The following RASSF3 variants were observed in gnomAD, a reference collection of about 807,000 sequenced individuals.
RASSF3 encodes ras association domain-containing protein 3.
Under a neutral mutation model 19.9 loss-of-function variants are expected in RASSF3, and 19 were observed. That is an observed-to-expected ratio of 0.96 (90% CI 0.67 to 1.40). RASSF3 has a LOEUF of 1.40. RASSF3 is among the 40% of genes most tolerant of loss of function. The probability of loss-of-function intolerance (pLI) is 0.00; values close to 1 mark genes in which losing one functional copy is unlikely to be tolerated. For synonymous variants in RASSF3, 110 were observed against 104.2 expected (o/e 1.06, Z -0.34); for missense variants, 306 against 289.8 (o/e 1.06, Z -0.41).
chr12:64,602,383 A>C (rs901376434), intron 2 of RASSF3, among the ~76,000 whole-genome samples: 11 of 151,720 alleles, frequency 7.3e-5, no homozygotes, highest in Middle Eastern at 6.8e-3. Context: ...GATCGAGACC[A>C]TCCTGGCCAA....
At chr12:64,597,604 T>G (rs1169503513) in intron 2 of RASSF3, among the ~76,000 whole-genome samples, 3 of 151,812 alleles carry the variant, frequency 2.0e-5, no homozygotes, top group Non-Finnish European at 4.4e-5. Flanking sequence ...TTTACAGTCG[T>G]GCACCACCAC....
chr12:64,525,734 GT>G (rs533134971), intron 1 of RASSF3, among the ~76,000 whole-genome samples: 243 of 145,926 alleles, frequency 1.7e-3, no homozygotes, highest in African/African-American at 6.5e-3. Context: ...CATTTTCAAA[GT>G]CTACTTTTTT....
intron 2 of RASSF3, among the ~76,000 whole-genome samples, chr12:64,587,736 G>T (rs777318649): frequency 4.6e-5 from 7 of 152,164 alleles, no homozygotes; most frequent in Non-Finnish European, 8.8e-5. Context: ...ATACTAGGAT[G>T]CAAGGTCCTG....
chr12:64,630,147 A>G (rs1871128507), intron 1 of RASSF3, among the ~76,000 whole-genome samples: 1 of 152,106 alleles, frequency 6.6e-6, no homozygotes, highest in African/African-American at 2.4e-5. Context: ...GTAAGCACTC[A>G]TTGATTTTAA....
At position 64,694,981 on chromosome 12, in the gene RASSF3, C is replaced by T. The variant is rs1044372079; in HGVS notation, c.*69C>T. On this transcript the variant is annotated 3_prime_UTR_variant, in exon 5 of 5. Coordinates refer to ENST00000542104, the MANE Select transcript of RASSF3 (RefSeq NM_178169.4). ...CAAAACAGCAGCAAGTGCCTCTCTT[C>T]TCAGAGGGCTGCTGTCTTGCCCCAC... is the stretch of plus-strand genomic sequence containing the variant. 3.3e-6 allele frequency: 5 copies of T among 1,526,260 alleles called. No individual in the cohort carries two copies. Among genetic ancestry groups the T allele is most frequent in the Non-Finnish European group, 4.5e-6 (5 of 1,116,556 alleles). The allele number at this position is 1,526,260 out of a possible 1,614,324, so 94.5% of individuals were successfully genotyped here.
At chr12:64,584,308 T>C (rs533322524) in intron 2 of RASSF3, among the ~76,000 whole-genome samples, 3 of 152,298 alleles carry the variant, frequency 2.0e-5, no homozygotes, top group Admixed American at 2.0e-4. Context: ...CATTTAATTA[T>C]GCTGATTCTT....
intron 1 of RASSF3, among the ~76,000 whole-genome samples, chr12:64,631,131 T>TG (rs1871153689): frequency 1.3e-5 from 2 of 151,924 alleles, no homozygotes; most frequent in Admixed American, 6.6e-5. Context: ...CACAGAAGCA[T>TG]GGGGGCACCA....
At chr12:64,515,409 TC>T in intron 1 of RASSF3, 1 of 152,216 alleles carries the variant, frequency 6.6e-6, no homozygotes, top group East Asian at 1.9e-4. Context: ...CCACCCCAGA[TC>T]CCTTTTTTTT....
rs1045138427 is a variant in RASSF3, at chr12:64,567,882, C to T, written c.294+26177C>T. On this transcript the variant is annotated intron_variant, in intron 2 of 5. Coordinates refer to the RASSF3 transcript ENST00000637125. ...GTAATGGGAGACACAGCCTTTCCAT[C>T]GGGCAGGGTGAAGCTACTGCTGTTG... Among the ~76,000 whole-genome samples, 51 of 152,218 alleles carry T rather than the reference C, an allele frequency of 3.4e-4. 1 individual carries two copies. Among genetic ancestry groups the T allele is most frequent in the African/African-American group, 1.2e-3 (51 of 41,442 alleles).
chr12:64,634,373 T>C (rs1871260549), intron 1 of RASSF3, among the ~76,000 whole-genome samples: 2 of 151,768 alleles, frequency 1.3e-5, no homozygotes, highest in Admixed American at 6.6e-5. Context: ...GTTCTTACTA[T>C]GTTATCCAGG....
chr12:64,521,193 C>G (rs1483127070), intron 1 of RASSF3, among the ~76,000 whole-genome samples: 1 of 152,234 alleles, frequency 6.6e-6, no homozygotes, highest in African/African-American at 2.4e-5. Flanking sequence ...ATGTTTGGGA[C>G]TACCCTCCTC....
At chr12:64,631,141 A>G (rs560423102) in intron 1 of RASSF3, among the ~76,000 whole-genome samples, 7 of 152,186 alleles carry the variant, frequency 4.6e-5, no homozygotes, top group Non-Finnish European at 8.8e-5. Context: ...TGGGGGCACC[A>G]GCAGGTAAGA....
Position 64,567,405 on chromosome 12 carries a change from C to T in RASSF3, c.294+25700C>T, listed in dbSNP as rs565599841. Among the ~76,000 whole-genome samples the T allele has an allele frequency of 1.3e-5, 2 of 152,198 alleles. 1 individual carries two copies. The highest frequency in any genetic ancestry group is 4.1e-4 in the South Asian group (2 of 4,832). Reference sequence around the variant, plus strand: ...ACAGCTACATTCTCTTCCCCAGCCTCCCTTGTGTTAAGTGTGGCCAGTAAC... The same window carrying T: ...ACAGCTACATTCTCTTCCCCAGCCTTCCTTGTGTTAAGTGTGGCCAGTAAC... On this transcript the variant is annotated intron_variant, in intron 2 of 5. Transcript: ENST00000637125.
chr12:64,660,424 G>C (rs1030149530), intron 1 of RASSF3, among the ~76,000 whole-genome samples: 3 of 152,042 alleles, frequency 2.0e-5, no homozygotes, highest in African/African-American at 7.2e-5. Flanking sequence ...TGTATGTAAG[G>C]GTGTGTACAC....
intron 1 of RASSF3, among the ~76,000 whole-genome samples, chr12:64,648,351 A>G (rs1273923363): frequency 1.3e-5 from 2 of 152,148 alleles, no homozygotes; most frequent in Non-Finnish European, 2.9e-5. Context: ...GATGTCCATC[A>G]TGTGGGACTG....
At chr12:64,617,846 C>G (rs538714165) in intron 1 of RASSF3, among the ~76,000 whole-genome samples, 2 of 152,108 alleles carry the variant, frequency 1.3e-5, no homozygotes, top group African/African-American at 4.8e-5. Context: ...AATGAGCTAC[C>G]GTGCCCGGCC....
chr12:64,520,043 G>C (rs56249352), intron 1 of RASSF3, among the ~76,000 whole-genome samples: 22,215 of 152,034 alleles, frequency 0.15, 2,213 homozygotes, highest in African/African-American at 0.28. Flanking sequence ...CTTCCTCCAT[G>C]AAGATTAAGT....
intron 1 of RASSF3, among the ~76,000 whole-genome samples, chr12:64,643,908 A>G (rs1470160825): frequency 6.6e-6 from 1 of 152,180 alleles, no homozygotes; most frequent in Non-Finnish European, 1.5e-5. Context: ...TGTTGTGTGT[A>G]TGCAATTGAA....
At chr12:64,528,137 G>A (rs1291086745) in intron 1 of RASSF3, among the ~76,000 whole-genome samples, 1 of 152,026 alleles carries the variant, frequency 6.6e-6, no homozygotes, top group Admixed American at 6.6e-5. Flanking sequence ...GTGGGGCATG[G>A]TGGTGCACAC....
Sources: gnomAD v4.1 joint callset for allele counts (sites outside exome capture counted in the v4.1 genomes callset) on GRCh38, gnomAD v4.1.1 for gene constraint, MANE v1.5 for transcripts, NCBI Gene and HGNC (gene_info 2026-07-23, HGNC 2026-07-21) for gene names.